MYOM2: variants seen among roughly 807,000 people sequenced by gnomAD.
MYOM2 encodes the protein myomesin-2.
Under a neutral mutation model 187.6 loss-of-function variants are expected in MYOM2, and 254 were observed. The observed-to-expected ratio is 1.35, with a 90% CI of 1.22 to 1.50. MYOM2 has a LOEUF of 1.50. MYOM2 is among the 40% of genes most tolerant of loss of function. The pLI is 0.00. For synonymous variants in MYOM2, 981 were observed against 753.8 expected, an observed-to-expected ratio of 1.30 and a Z score of -4.94; for missense variants, 2,796 against 1,924.0, an observed-to-expected ratio of 1.45 and a Z score of -8.48.
chr8:2,049,215 T>C (rs1466529540), intron 1 of MYOM2, among the ~76,000 whole-genome samples: 2 of 152,196 alleles, frequency 1.3e-5, no homozygotes, highest in Non-Finnish European at 2.9e-5. Context: ...AGTTGGGTTT[T>C]AAGAGGCAAT....
chr8:2,084,434 G>A (rs530210995), intron 13 of MYOM2, among the ~76,000 whole-genome samples: 5 of 152,342 alleles, frequency 3.3e-5, no homozygotes, highest in Non-Finnish European at 7.4e-5. Flanking sequence ...GCTCAGAGAT[G>A]TCCCGGGGAG....
Position 2,092,401 on chromosome 8 carries a change from G to C in MYOM2, c.1884G>C (p.Val628=), listed in dbSNP as rs771909665. Residue 628 remains valine (V), a synonymous_variant, in exon 16 of 37, where the codon GTG becomes GTC. Coordinates refer to ENST00000262113, the MANE Select transcript of MYOM2 (RefSeq NM_003970.4). The part of the protein sequence containing the change: ...VLASRNTKTS[V]VVQWDRPKHE... ...CTTCCCGAAACACCAAGACGTCGGT[G>C]GTGGTGCAGTGGGACCGACCTAAGC... 9.3e-6 allele frequency: 15 copies of C among 1,614,048 alleles called. No homozygotes were observed. The highest frequency in any genetic ancestry group is 1.6e-4 in the Middle Eastern group (1 of 6,082).
At chr8:2,129,824 C>T (rs1036897235) in intron 32 of MYOM2, among the ~76,000 whole-genome samples, 4 of 152,104 alleles carry the variant, frequency 2.6e-5, no homozygotes, top group Non-Finnish European at 4.4e-5. Context: ...CCAGGCAAAG[C>T]ACAAGCCGAC....
At chr8:2,141,569 C>G (rs1798274650) in intron 34 of MYOM2, among the ~76,000 whole-genome samples, 1 of 152,174 alleles carries the variant, frequency 6.6e-6, no homozygotes. Context: ...TTTAAGGGTT[C>G]TGGCTCAGGC....
chr8:2,081,427 T>A (rs192978064), intron 13 of MYOM2, among the ~76,000 whole-genome samples: 27 of 151,156 alleles, frequency 1.8e-4, no homozygotes, highest in Non-Finnish European at 8.9e-5. Flanking sequence ...GAATGAGGTT[T>A]GGTTCTGCCA....
chr8:2,059,535 C>T (rs1818782759), intron 6 of MYOM2, among the ~76,000 whole-genome samples: 1 of 152,158 alleles, frequency 6.6e-6, no homozygotes, highest in African/African-American at 2.4e-5. Flanking sequence ...AAGAAGCTTT[C>T]ATTGACACCT....
chr8:2,082,964 C>T (rs1819679557), intron 13 of MYOM2, among the ~76,000 whole-genome samples: 1 of 152,108 alleles, frequency 6.6e-6, no homozygotes, highest in African/African-American at 2.4e-5. Flanking sequence ...TAAGCCTCGA[C>T]CCCAGTTCAG....
intron 34 of MYOM2, among the ~76,000 whole-genome samples, 165 bp downstream of exon 34, chr8:2,141,342 A>G (rs1166376267): frequency 6.6e-6 from 1 of 152,216 alleles, no homozygotes; most frequent in African/African-American, 2.4e-5. Context: ...AGGGGTGGGC[A>G]TTCTCCTAAA....
intron 3 of MYOM2, among the ~76,000 whole-genome samples, chr8:2,053,232 T>G (rs1818550546): frequency 6.6e-6 from 1 of 152,186 alleles, no homozygotes; most frequent in Non-Finnish European, 1.5e-5. Flanking sequence ...GCCAAGAAGG[T>G]TAACGAAGGT....
At chr8:2,076,331 T>C in intron 11 of MYOM2, 49 bp downstream of exon 11, 2 of 1,595,534 alleles carry the variant, frequency 1.3e-6, no homozygotes, top group Non-Finnish European at 1.7e-6. Flanking sequence ...GCATGGAATC[T>C]TACCATGGAC....
intron 15 of MYOM2, 34 bp downstream of exon 15, chr8:2,090,225 A>G (rs1372165875): frequency 6.9e-6 from 11 of 1,595,156 alleles, no homozygotes; most frequent in Non-Finnish European, 9.4e-6. Flanking sequence ...CCAAGTCAGG[A>G]TGGACTAAGA....
In MYOM2 at chr8:2,085,406, G is replaced by A. The variant is rs200783840; in HGVS notation, c.1644+16G>A. On this transcript the variant is annotated intron_variant, in intron 14 of 36. Transcript: ENST00000262113. ...CATTGAGAAGGTAAACTCCGGGCCCGTGTCCTGGAAAAGTAGATCTCTGCA... is the reference window on the plus strand; with the variant it reads ...CATTGAGAAGGTAAACTCCGGGCCCATGTCCTGGAAAAGTAGATCTCTGCA... 211 of 1,612,646 alleles carry A rather than the reference G, an allele frequency of 1.3e-4. 6 individuals are homozygous for A. In the East Asian group the frequency reaches 3.0e-3, roughly 23 times the overall value.
chr8:2,141,028 T>A, intron 33 of MYOM2, 113 bp from the exon 34 acceptor site: 1 of 1,325,006 alleles, frequency 7.5e-7, no homozygotes, highest in East Asian at 2.6e-5. Flanking sequence ...ATAAATTTAT[T>A]CTTTTTTTAT....
Position 2,076,240 on chromosome 8 carries a change from A to T in MYOM2, c.1220A>T (p.Asn407Ile). The T allele has an allele frequency of 6.2e-7, 1 of 1,613,700 alleles. No individual in the cohort carries two copies. Among genetic ancestry groups the T allele is most frequent in the Non-Finnish European group, 8.5e-7 (1 of 1,179,926 alleles). Residue 407 changes from asparagine to isoleucine, a missense_variant, in exon 11 of 37, where the codon AAC (asparagine) becomes ATC (isoleucine). Asn to Ile is a moderately radical substitution (Grantham distance 149). Coordinates refer to ENST00000262113, the MANE Select transcript of MYOM2 (RefSeq NM_003970.4). The stretch of plus-strand genomic sequence containing the variant: ...GTCATCGTGACCTGGAAGCCGCCCA[A>T]CACCACCACTGAGAGCCCCGTCATG... The part of the protein sequence containing the change: ...DYVIVTWKPP[N>I]TTTESPVMGY...
chr8:2,142,716 C>A (rs1362280804), intron 35 of MYOM2, among the ~76,000 whole-genome samples: 1 of 14,734 alleles, frequency 6.8e-5, no homozygotes, highest in African/African-American at 2.9e-4. Flanking sequence ...TTCCCTCCCT[C>A]CCTCCCTCCC....
chr8:2,108,615 G>A (rs548047884), intron 23 of MYOM2, among the ~76,000 whole-genome samples, 171 bp from the exon 24 acceptor site: 31 of 152,284 alleles, frequency 2.0e-4, no homozygotes, highest in Admixed American at 1.4e-3. Context: ...TTTAAATGGT[G>A]AAGGTTAAAG....
Position 2,106,410 on chromosome 8 carries a change from C to T in MYOM2, c.2891+12C>T. ...ACCGTGGGGGATCAGTAAGTGAGGC[C>T]TGGAAGTTGGATACTGGAAACTTTT... On this transcript the variant is annotated intron_variant, in intron 22 of 36. Coordinates refer to ENST00000262113, the MANE Select transcript of MYOM2 (RefSeq NM_003970.4). The T allele has an allele frequency of 6.2e-7, 1 of 1,612,998 alleles. No individual in the cohort carries two copies. Among genetic ancestry groups the T allele is most frequent in the Non-Finnish European group, 8.5e-7 (1 of 1,179,082 alleles).
chr8:2,060,465 G>C (rs1344233630), intron 6 of MYOM2, among the ~76,000 whole-genome samples: 1 of 152,084 alleles, frequency 6.6e-6, no homozygotes, highest in Non-Finnish European at 1.5e-5. Flanking sequence ...TGTGTGTGTA[G>C]TCAGTTATAT....
At chr8:2,054,966 A>G (rs1331922400) in intron 3 of MYOM2, among the ~76,000 whole-genome samples, 1 of 139,144 alleles carries the variant, frequency 7.2e-6, no homozygotes, top group East Asian at 2.0e-4. Context: ...ATACTGGGGG[A>G]ACCAAGTACC....
Sources: allele counts gnomAD v4.1 joint callset (sites outside exome capture counted in the v4.1 genomes callset), GRCh38; gene constraint gnomAD v4.1.1; transcripts MANE v1.5; gene names NCBI Gene and HGNC (gene_info 2026-07-23, HGNC 2026-07-21).